Variants in TMCO4 observed in about 807,000 individuals in gnomAD.
TMCO4 encodes transmembrane and coiled-coil domains 4.
Under a neutral mutation model 64.7 loss-of-function variants are expected in TMCO4, and 58 were observed. The ratio of observed to expected loss-of-function variants is 0.90; its 90% CI spans 0.73 to 1.12. The LOEUF (loss-of-function observed/expected upper bound fraction) is 1.12, where lower values mean the gene tolerates loss of function less well. Among genes scored for constraint, TMCO4 ranks in the 50% most tolerant of loss-of-function variants. TMCO4 has a pLI of 0.00. For synonymous variants in TMCO4, 325 were observed against 346.1 expected (o/e 0.94, Z 0.68); for missense variants, 780 against 825.9 (o/e 0.94, Z 0.68).
chr1:19,729,016 G>A (rs112492598), intron 13 of TMCO4, among the ~76,000 whole-genome samples: 1,618 of 152,250 alleles, frequency 0.011, 47 homozygotes, highest in South Asian at 0.092. Context: ...GCCATTTAGT[G>A]GTATCCTTAG....
At chr1:19,768,916 C>CT (rs1335702955) in intron 6 of TMCO4, among the ~76,000 whole-genome samples, 1 of 152,066 alleles carries the variant, frequency 6.6e-6, no homozygotes, top group Admixed American at 6.5e-5. Context: ...GCTTAGAGGC[C>CT]TTTTTTAAAA....
intron 13 of TMCO4, among the ~76,000 whole-genome samples, chr1:19,724,929 T>C (rs1161800736): frequency 6.6e-6 from 1 of 152,056 alleles, no homozygotes; most frequent in Non-Finnish European, 1.5e-5. Context: ...ACCCAGCTAA[T>C]TTTTGTATTT....
intron 13 of TMCO4, among the ~76,000 whole-genome samples, chr1:19,735,812 T>A (rs1314529743): frequency 2.0e-5 from 3 of 152,160 alleles, no homozygotes; most frequent in African/African-American, 7.2e-5. Context: ...TACATCTCTC[T>A]AGGTAACGAG....
At chr1:19,689,917 G>A (rs1423320950) in intron 15 of TMCO4, among the ~76,000 whole-genome samples, 1 of 152,216 alleles carries the variant, frequency 6.6e-6, no homozygotes, top group African/African-American at 2.4e-5. Context: ...TGGGTCCCTG[G>A]TGAAACCCCA....
At chr1:19,755,517 A>G (rs1570912476) in intron 7 of TMCO4, 117 bp downstream of exon 7, 1 of 1,445,286 alleles carries the variant, frequency 6.9e-7, no homozygotes, top group Non-Finnish European at 9.4e-7. Flanking sequence ...GACTCTGTCC[A>G]GGGCTCCTTC....
At chr1:19,773,740 G>A (rs1188678689) in intron 4 of TMCO4, among the ~76,000 whole-genome samples, 1 of 152,310 alleles carries the variant, frequency 6.6e-6, no homozygotes, top group South Asian at 2.1e-4. Context: ...TGAGGATGAA[G>A]TGAGATGATA....
chr1:19,692,807 T>C (rs962773297), intron 15 of TMCO4, among the ~76,000 whole-genome samples: 2 of 151,610 alleles, frequency 1.3e-5, no homozygotes, highest in Non-Finnish European at 2.9e-5. Flanking sequence ...ATAGAGTGAG[T>C]GTCCACATGG....
At chr1:19,695,728 G>A (rs1238680040) in intron 14 of TMCO4, among the ~76,000 whole-genome samples, 1 of 152,124 alleles carries the variant, frequency 6.6e-6, no homozygotes, top group African/African-American at 2.4e-5. Context: ...TGTGGTCTCT[G>A]AGCACCTGGG....
At chr1:19,701,358 G>C (rs967146132) in intron 13 of TMCO4, 1 of 152,542 alleles carries the variant, frequency 6.6e-6, no homozygotes, top group East Asian at 1.9e-4. Flanking sequence ...TTTTAGTAGA[G>C]ATGGGGTTTT....
chr1:19,744,484 A>C (rs540580922), intron 10 of TMCO4, among the ~76,000 whole-genome samples: 1 of 152,296 alleles, frequency 6.6e-6, no homozygotes, highest in East Asian at 1.9e-4. Context: ...TGCTGAGGTC[A>C]TGTAGCCAAC....
chr1:19,738,910 G>A (rs2095467503), intron 12 of TMCO4, among the ~76,000 whole-genome samples: 1 of 152,206 alleles, frequency 6.6e-6, no homozygotes, highest in Non-Finnish European at 1.5e-5. Flanking sequence ...CAACTGAAAT[G>A]TTGTAAGGCT....
chr1:19,741,890 C>A lies in TMCO4; in HGVS notation c.878-949G>T, dbSNP rs902522907. On this transcript the variant is annotated intron_variant, in intron 10 of 15. Transcript: ENST00000294543. ...TAGCTGGAATTACAGGCACCCACCACCAAACCTGGCTAATTTTTGTGTATT... is the reference window on the plus strand; with the variant it reads ...TAGCTGGAATTACAGGCACCCACCAACAAACCTGGCTAATTTTTGTGTATT... Among the ~76,000 whole-genome samples, 45 of 151,974 alleles carry A rather than the reference C, an allele frequency of 3.0e-4. 1 individual carries two copies.
At chr1:19,687,192 T>G (rs985731782) in intron 15 of TMCO4, among the ~76,000 whole-genome samples, 3 of 152,210 alleles carry the variant, frequency 2.0e-5, no homozygotes, top group African/African-American at 7.2e-5. Context: ...CCTCAGGTGA[T>G]CCGCCTTCCT....
chr1:19,725,558 T>G (rs577484472), intron 13 of TMCO4, among the ~76,000 whole-genome samples: 14 of 152,252 alleles, frequency 9.2e-5, no homozygotes, highest in Non-Finnish European at 1.9e-4. Flanking sequence ...ATGCTGGCTG[T>G]TCCTGGCAGC....
chr1:19,756,823 C>T (rs192110683), intron 6 of TMCO4, among the ~76,000 whole-genome samples: 2 of 151,600 alleles, frequency 1.3e-5, no homozygotes, highest in African/African-American at 4.8e-5. Flanking sequence ...AAGATCTCAT[C>T]TCAGTAATTG....
intron 2 of TMCO4, among the ~76,000 whole-genome samples, chr1:19,793,282 C>A (rs959216229): frequency 6.6e-6 from 1 of 152,080 alleles, no homozygotes; most frequent in Non-Finnish European, 1.5e-5. Flanking sequence ...GCTACAGCGT[C>A]ATGGGAAGGC....
At chr1:19,758,644 G>GT (rs1409291271) in intron 6 of TMCO4, among the ~76,000 whole-genome samples, 2 of 152,138 alleles carry the variant, frequency 1.3e-5, no homozygotes, top group African/African-American at 2.4e-5. Flanking sequence ...TTTAAGGCAT[G>GT]TTCCTTCTGG....
chr1:19,798,806 G>C (rs2044460592), intron 1 of TMCO4, among the ~76,000 whole-genome samples: 1 of 152,196 alleles, frequency 6.6e-6, no homozygotes, highest in Admixed American at 6.5e-5. Flanking sequence ...GCTCCTTTTT[G>C]TTCACTGCTG....
At chr1:19,799,027 C>T (rs1252314304) in intron 1 of TMCO4, 2 of 150,608 alleles carry the variant, frequency 1.3e-5, no homozygotes, top group African/African-American at 5.0e-5. Flanking sequence ...CCAGTGCAAC[C>T]CCAGGGAAGG....
Sources: allele counts gnomAD v4.1 joint callset (sites outside exome capture counted in the v4.1 genomes callset), GRCh38; gene constraint gnomAD v4.1.1; transcripts MANE v1.5; gene names NCBI Gene and HGNC (gene_info 2026-07-23, HGNC 2026-07-21).